The following ABCA13 variants were observed in gnomAD, a reference collection of about 807,000 sequenced individuals.
ABCA13 encodes the protein ATP binding cassette subfamily A member 13.
In ABCA13, 476 loss-of-function variants were observed where a neutral mutation model predicts 478.7. The observed-to-expected ratio is 0.99, with a 90% confidence interval of 0.92 to 1.07. ABCA13 has a LOEUF of 1.07. Ranked by LOEUF, ABCA13 falls within the 50% of genes least tolerant of loss-of-function variation. ABCA13 has a pLI of 0.00. For missense variants in ABCA13, 6,060 were observed against 5,910.6 expected (o/e 1.03, Z -0.83); for synonymous variants, 2,252 against 2,158.9 (o/e 1.04, Z -1.20).
At chr7:48,311,709 C>T (rs893614022) in intron 24 of ABCA13, among the ~76,000 whole-genome samples, 2 of 152,096 alleles carry the variant, frequency 1.3e-5, no homozygotes, top group Non-Finnish European at 2.9e-5. Flanking sequence ...TATCAGGTAC[C>T]TTCTATATGA....
intron 51 of ABCA13, among the ~76,000 whole-genome samples, chr7:48,516,284 G>A (rs1832103035): frequency 6.6e-6 from 1 of 152,190 alleles, no homozygotes; most frequent in African/African-American, 2.4e-5. Context: ...AGGGCACAGT[G>A]TTCTGAGTAG....
At chr7:48,522,067 G>A (rs1832579768) in intron 53 of ABCA13, among the ~76,000 whole-genome samples, 2 of 152,166 alleles carry the variant, frequency 1.3e-5, no homozygotes, top group South Asian at 4.1e-4. Flanking sequence ...CTGCCTCTGG[G>A]GCTGGGCTGA....
rs754824983 is a variant in ABCA13, at chr7:48,272,053, T to C, written c.2387T>C (p.Phe796Ser). 13 of 1,613,624 alleles carry C rather than the reference T, an allele frequency of 8.1e-6. No individual in the cohort carries two copies. The highest frequency in any genetic ancestry group is 1.0e-5 in the Non-Finnish European group (12 of 1,179,752). The change falls in exon 17 of 62, where the codon TTT (phenylalanine) becomes TCT (serine). Residue 796 changes from phenylalanine (F) to serine (S), a missense_variant. By Grantham distance (155) the Phe-to-Ser change is radical. Coordinates refer to ENST00000435803, the MANE Select transcript of ABCA13 (RefSeq NM_152701.5). ...ACTGATGCTCAGAAACTCTTGGAATTTGGCAACGAAGTGATTTGGAAAATG... is the reference window on the plus strand; with the variant it reads ...ACTGATGCTCAGAAACTCTTGGAATCTGGCAACGAAGTGATTTGGAAAATG... ...SATDAQKLLE[F>S]GNEVIWKMQT...
At chr7:48,431,518 G>C (rs1822151963) in intron 42 of ABCA13, among the ~76,000 whole-genome samples, 1 of 152,192 alleles carries the variant, frequency 6.6e-6, no homozygotes, top group Non-Finnish European at 1.5e-5. Context: ...TTTAGTTTGT[G>C]TGTAGTGGTT....
chr7:48,585,412 C>T (rs1251378144), intron 56 of ABCA13, among the ~76,000 whole-genome samples: 2 of 152,076 alleles, frequency 1.3e-5, no homozygotes, highest in Middle Eastern at 3.2e-3. Flanking sequence ...CTTTATATAT[C>T]TTTTAGGCCT....
chr7:48,632,095 A>G (rs945748020), intron 59 of ABCA13, among the ~76,000 whole-genome samples: 2 of 152,190 alleles, frequency 1.3e-5, no homozygotes, highest in African/African-American at 4.8e-5. Context: ...CTAGTTACAC[A>G]TTCATATCAT....
At chr7:48,453,188 G>T (rs577911914) in intron 42 of ABCA13, among the ~76,000 whole-genome samples, 1 of 151,934 alleles carries the variant, frequency 6.6e-6, no homozygotes, top group South Asian at 2.1e-4. Context: ...CAATCTTCTG[G>T]GAAGTTATAA....
At chr7:48,519,971 G>C in intron 52 of ABCA13, 70 bp from the exon 53 acceptor site, 1 of 1,434,402 alleles carries the variant, frequency 7.0e-7, no homozygotes. Context: ...AGAAAAAGAA[G>C]TTATTGGTAT....
At chr7:48,465,531 T>TA (rs1826777031) in intron 43 of ABCA13, among the ~76,000 whole-genome samples, 1 of 151,868 alleles carries the variant, frequency 6.6e-6, no homozygotes, top group Non-Finnish European at 1.5e-5. Context: ...TTTCTTTTTT[T>TA]TTTTTTTTGC....
In ABCA13 at chr7:48,516,832, T is replaced by C; in HGVS notation, c.13748T>C (p.Met4583Thr). The change falls in exon 52 of 62, where the codon ATG becomes ACG. Residue 4583 changes from methionine (M) to threonine (T), a missense_variant. Physicochemically the swap from Met to Thr is moderately conservative, Grantham distance 81. Around this residue, in one of 3 missense-constraint regions of ABCA13, gnomAD observed 1,627 missense variants for 1,571.0 expected, o/e 1.04. Transcript: ENST00000435803. ...SLNFIFGLCT[M>T]LITIMPRLLA... Reference sequence around the variant, plus strand: ...AACTTCATCTTTGGCCTTTGTACCATGCTCATAACCATTATGCCCCGGTTG... The same window carrying C: ...AACTTCATCTTTGGCCTTTGTACCACGCTCATAACCATTATGCCCCGGTTG... 1 of 1,613,816 alleles carries C rather than the reference T, an allele frequency of 6.2e-7. No individual in the cohort carries two copies. Among genetic ancestry groups the C allele is most frequent in the Non-Finnish European group, 8.5e-7 (1 of 1,179,730 alleles).
At position 48,279,682 on chromosome 7, in the gene ABCA13, C is replaced by A; in HGVS notation, c.8488C>A (p.Leu2830Ile). 6.2e-7 allele frequency: 1 copy of A among 1,613,518 alleles called. No homozygotes were observed. The highest frequency in any genetic ancestry group is 1.3e-5 in the African/African-American group (1 of 75,000). The change falls in exon 18 of 62, where the codon CTT becomes ATT. Residue 2830 changes from leucine to isoleucine, a missense_variant. Leu to Ile is a conservative substitution (Grantham distance 5). Around this residue, in one of 3 missense-constraint regions of ABCA13, gnomAD observed 4,423 missense variants for 4,309.1 expected, o/e 1.03. Coordinates refer to ENST00000435803, the MANE Select transcript of ABCA13 (RefSeq NM_152701.5). ...LSRIALWRKG[L>I]LFNNSEWITS... The stretch of plus-strand genomic sequence containing the variant: ...TAGAATAGCTCTCTGGAGGAAAGGA[C>A]TTCTGTTTAACAACTCTGAATGGAT...
chr7:48,603,380 C>A (rs1189420690), intron 58 of ABCA13, among the ~76,000 whole-genome samples: 1 of 152,008 alleles, frequency 6.6e-6, no homozygotes, highest in Non-Finnish European at 1.5e-5. Flanking sequence ...CATAAATAAT[C>A]TTATTATTTT....
chr7:48,453,695 G>A (rs142070149), intron 42 of ABCA13, among the ~76,000 whole-genome samples: 1 of 152,252 alleles, frequency 6.6e-6, no homozygotes, highest in Non-Finnish European at 1.5e-5. Flanking sequence ...CTGAACGTCC[G>A]GGCCGCTTGG....
intron 42 of ABCA13, among the ~76,000 whole-genome samples, chr7:48,442,058 A>G (rs1823676347): frequency 6.6e-6 from 1 of 152,172 alleles, no homozygotes; most frequent in Admixed American, 6.5e-5. Flanking sequence ...TGAGTGCTGT[A>G]CCATGGCCAG....
chr7:48,382,540 A>G (rs1030968419), intron 35 of ABCA13, among the ~76,000 whole-genome samples: 3 of 152,168 alleles, frequency 2.0e-5, no homozygotes, highest in Admixed American at 6.5e-5. Context: ...GATAAACTAC[A>G]AATAATTTGG....
intron 41 of ABCA13, among the ~76,000 whole-genome samples, chr7:48,421,843 C>G (rs1820779487): frequency 6.6e-6 from 1 of 152,078 alleles, no homozygotes. Flanking sequence ...AGTGTTTCCT[C>G]TTGCCTTATT....
chr7:48,298,541 G>A lies in ABCA13; in HGVS notation c.9321+54G>A, dbSNP rs563177650. On this transcript the variant is annotated intron_variant, in intron 23 of 61. Coordinates refer to ENST00000435803, the MANE Select transcript of ABCA13 (RefSeq NM_152701.5). Reference sequence around the variant, plus strand: ...TTGCTCATGGAAGGAGCCTTAGCCTGAAGTCACTGGCACTGTGTTGTCCTT... The same window carrying A: ...TTGCTCATGGAAGGAGCCTTAGCCTAAAGTCACTGGCACTGTGTTGTCCTT... The A allele has an allele frequency of 1.1e-4, 173 of 1,580,700 alleles. No individual in the cohort carries two copies. In the African/African-American group the frequency reaches 2.2e-3, roughly 20 times the overall value.
chr7:48,346,826 T>C (rs1204220466), intron 29 of ABCA13, among the ~76,000 whole-genome samples: 2 of 152,220 alleles, frequency 1.3e-5, no homozygotes, highest in Non-Finnish European at 2.9e-5. Context: ...GCAATTGCCA[T>C]GGGAGCAAAG....
At chr7:48,412,702 T>A in intron 41 of ABCA13, 119 bp downstream of exon 41, 2 of 691,328 alleles carry the variant, frequency 2.9e-6, no homozygotes, top group South Asian at 1.0e-4. Flanking sequence ...TGTGCACTTT[T>A]ATTTACATTT....
Sources: allele counts gnomAD v4.1 joint callset (sites outside exome capture counted in the v4.1 genomes callset), GRCh38; gene constraint gnomAD v4.1.1; regional missense constraint gnomAD v4.1.1; transcripts MANE v1.5; gene names NCBI Gene and HGNC (gene_info 2026-07-23, HGNC 2026-07-21).